The following CACNG3 variants were observed in gnomAD, a reference collection of about 807,000 sequenced individuals.
The protein encoded by CACNG3 is calcium voltage-gated channel auxiliary subunit gamma 3, also known as voltage-dependent calcium channel gamma-3 subunit.
In CACNG3, 3 loss-of-function variants were observed where a neutral mutation model predicts 28.5. The ratio of observed to expected loss-of-function variants is 0.11; its 90% CI spans 0.05 to 0.27. The LOEUF (loss-of-function observed/expected upper bound fraction) is 0.27, where lower values mean the gene tolerates loss of function less well. Among genes scored for constraint, CACNG3 ranks in the 10% least tolerant of loss-of-function variants. CACNG3 has a pLI of 1.00. For missense variants in CACNG3, 236 were observed against 414.4 expected, an observed-to-expected ratio of 0.57 and a Z score of 3.74; for synonymous variants, 174 against 162.2, an observed-to-expected ratio of 1.07 and a Z score of -0.55.
chr16:24,329,197 G>A (rs944937653), intron 1 of CACNG3, among the ~76,000 whole-genome samples: 4 of 152,186 alleles, frequency 2.6e-5, no homozygotes, highest in Non-Finnish European at 4.4e-5. Context: ...TGCTCAAAAC[G>A]CCAGAACTAT....
At chr16:24,347,105 C>T (rs1051167957) in intron 2 of CACNG3, among the ~76,000 whole-genome samples, 1 of 152,152 alleles carries the variant, frequency 6.6e-6, no homozygotes, top group East Asian at 1.9e-4. Context: ...ATCGCTTGAG[C>T]TCAGGAGGTC....
At position 24,317,551 on chromosome 16, in the gene CACNG3, A is replaced by AT. The variant is rs1491300126; in HGVS notation, c.212-29183_212-29182insT. 7.8e-5 allele frequency among the ~76,000 whole-genome samples: 10 copies of AT among 129,004 alleles called. 1 individual carries two copies. Among genetic ancestry groups the AT allele is most frequent in the African/African-American group, 3.1e-4 (10 of 32,760 alleles). The allele number at this position is 129,004 out of a possible 152,430, so 84.6% of individuals were successfully genotyped here. ...GGAGATTCTGTCTCAAAAAAAAAAAAGAAAAAGAAAGAAAGAAAGAAAGAA... is the reference window on the plus strand; with the variant it reads ...GGAGATTCTGTCTCAAAAAAAAAAAATGAAAAAGAAAGAAAGAAAGAAAGAA... On this transcript the variant is annotated intron_variant, in intron 1 of 3. Coordinates refer to ENST00000005284, the MANE Select transcript of CACNG3 (RefSeq NM_006539.4).
intron 1 of CACNG3, among the ~76,000 whole-genome samples, chr16:24,332,728 T>C (rs1899647435): frequency 6.6e-6 from 1 of 152,098 alleles, no homozygotes; most frequent in South Asian, 2.1e-4. Context: ...TGTCTTAATA[T>C]GAATATGTGC....
At chr16:24,267,021 C>T (rs542129479) in intron 1 of CACNG3, among the ~76,000 whole-genome samples, 4 of 147,928 alleles carry the variant, frequency 2.7e-5, no homozygotes, top group South Asian at 4.2e-4. Flanking sequence ...GGCTGGAGTG[C>T]GGTGGCACGA....
chr16:24,257,886 A>G (rs1898489670), intron 1 of CACNG3, among the ~76,000 whole-genome samples: 1 of 152,220 alleles, frequency 6.6e-6, no homozygotes, highest in African/African-American at 2.4e-5. Flanking sequence ...TCACCACACC[A>G]GAAGTCACTC....
chr16:24,339,566 A>G (rs1162626064), intron 1 of CACNG3, among the ~76,000 whole-genome samples: 1 of 152,038 alleles, frequency 6.6e-6, no homozygotes, highest in Non-Finnish European at 1.5e-5. Flanking sequence ...TTGTATTTTT[A>G]GTAAAGACGG....
At chr16:24,289,861 A>T (rs531530336) in intron 1 of CACNG3, among the ~76,000 whole-genome samples, 3 of 152,366 alleles carry the variant, frequency 2.0e-5, no homozygotes, top group Admixed American at 6.5e-5. Flanking sequence ...TCATCCTTAT[A>T]AAAGGCCCTA....
chr16:24,308,804 T>C (rs115182222), intron 1 of CACNG3, among the ~76,000 whole-genome samples: 1,424 of 130,492 alleles, frequency 0.011, 29 homozygotes, highest in African/African-American at 0.039. Context: ...GTCACCACTG[T>C]GTTCCAGCCT....
At chr16:24,336,161 G>A (rs1300468722) in intron 1 of CACNG3, among the ~76,000 whole-genome samples, 1 of 151,702 alleles carries the variant, frequency 6.6e-6, no homozygotes, top group Non-Finnish European at 1.5e-5. Flanking sequence ...GGAGGCGGAG[G>A]TTGCAGTGAG....
At chr16:24,320,895 A>ATT (rs371001626) in intron 1 of CACNG3, among the ~76,000 whole-genome samples, 45 of 149,910 alleles carry the variant, frequency 3.0e-4, no homozygotes, top group African/African-American at 1.1e-3. Context: ...ATGCCTAATA[A>ATT]TTTTTTTTTT....
intron 1 of CACNG3, among the ~76,000 whole-genome samples, chr16:24,313,069 G>GAGGGAGGAAGGA (rs1555460273): frequency 2.7e-4 from 21 of 76,408 alleles, no homozygotes; most frequent in Non-Finnish European, 2.7e-4. Context: ...GAAAGCGAGG[G>GAGGGAGGAAGGA]AGGGAGGAAG....
At chr16:24,316,838 C>T (rs928367064) in intron 1 of CACNG3, among the ~76,000 whole-genome samples, 2 of 152,240 alleles carry the variant, frequency 1.3e-5, no homozygotes, top group Non-Finnish European at 2.9e-5. Flanking sequence ...GGTGGAAATT[C>T]CAAACTAACA....
intron 1 of CACNG3, among the ~76,000 whole-genome samples, chr16:24,303,839 G>T (rs1263551941): frequency 6.6e-6 from 1 of 152,044 alleles, no homozygotes; most frequent in Non-Finnish European, 1.5e-5. Flanking sequence ...GGTAGCTTGA[G>T]CCTGGGAGGC....
chr16:24,344,447 C>T (rs16973546), intron 1 of CACNG3, among the ~76,000 whole-genome samples: 1 of 151,676 alleles, frequency 6.6e-6, no homozygotes, highest in African/African-American at 2.4e-5. Context: ...TAGAATGGTA[C>T]CTGGTATATA....
At chr16:24,319,332 T>C (rs1340503480) in intron 1 of CACNG3, among the ~76,000 whole-genome samples, 1 of 152,230 alleles carries the variant, frequency 6.6e-6, no homozygotes, top group Non-Finnish European at 1.5e-5. Context: ...GAGATAGTTA[T>C]CCTTGGCTAC....
intron 1 of CACNG3, among the ~76,000 whole-genome samples, chr16:24,313,007 AAGAG>A (rs201002138): frequency 2.7e-5 from 4 of 149,004 alleles, no homozygotes; most frequent in East Asian, 2.0e-4. Flanking sequence ...AAGAAAGAAA[AAGAG>A]AGAAAGAGAG....
intron 3 of CACNG3, among the ~76,000 whole-genome samples, chr16:24,357,528 G>A (rs11641592): frequency 0.32 from 49,324 of 152,022 alleles, 10,030 homozygotes; most frequent in South Asian, 0.49. Context: ...CCACTGCTTC[G>A]CCGGCTGTGA....
Position 24,354,938 on chromosome 16 carries a change from T to C in CACNG3, c.401T>C (p.Val134Ala), listed in dbSNP as rs1900008472. The C allele has an allele frequency of 6.2e-7, 1 of 1,612,622 alleles. No individual in the cohort carries two copies. Residue 134 changes from valine to alanine, a missense_variant, in exon 3 of 4, where the codon GTC becomes GCC. Around this residue, in one of 2 missense-constraint regions of CACNG3, gnomAD observed 120 missense variants for 263.4 expected, o/e 0.46. Transcript: ENST00000005284. Reference sequence around the variant, plus strand: ...GAGTTCCACCGCAGCAGACACAACGTCATTCTCAGCGCGGGCATCTTTTTT... The same window carrying C: ...GAGTTCCACCGCAGCAGACACAACGCCATTCTCAGCGCGGGCATCTTTTTT... ...ASEFHRSRHN[V>A]ILSAGIFFVS... is the part of the protein sequence containing the mutation.
chr16:24,316,157 G>A (rs1899349350), intron 1 of CACNG3, among the ~76,000 whole-genome samples: 1 of 151,576 alleles, frequency 6.6e-6, no homozygotes, highest in Non-Finnish European at 1.5e-5. Context: ...TGGAAGCCAG[G>A]CTATCGCCAT....
Sources: allele counts gnomAD v4.1 joint callset (sites outside exome capture counted in the v4.1 genomes callset), GRCh38; gene constraint gnomAD v4.1.1; regional missense constraint gnomAD v4.1.1; transcripts MANE v1.5; gene names NCBI Gene and HGNC (gene_info 2026-07-23, HGNC 2026-07-21).